The following SNCAIP variants were observed in gnomAD, a reference collection of about 807,000 sequenced individuals.
SNCAIP encodes the protein synphilin-1.
In SNCAIP, 43 loss-of-function variants were observed where a neutral mutation model predicts 86.7. The observed-to-expected ratio is 0.50, with a 90% CI of 0.39 to 0.64. The LOEUF is 0.64. SNCAIP is among the 30% of genes least tolerant of loss of function. SNCAIP has a pLI of 0.00. For missense variants in SNCAIP, 981 were observed against 1,103.1 expected (o/e 0.89, Z 1.57); for synonymous variants, 417 against 427.2 (o/e 0.98, Z 0.29).
At position 122,431,823 on chromosome 5, in the gene SNCAIP, A is replaced by G. The variant is rs202156938; in HGVS notation, c.1183-146A>G. On this transcript the variant is annotated intron_variant, in intron 5 of 10. Transcript: ENST00000261368. ...CCACAGATCAGGAATATAATAGGTG[A>G]TATCTTTATATCATAAATAAATTAA... The G allele has an allele frequency of 2.1e-5, 14 of 669,540 alleles. No homozygotes were observed. In the East Asian group the frequency reaches 3.5e-4, roughly 17 times the overall value. The allele number at this position is 669,540 out of a possible 1,614,324, so 41.5% of individuals were successfully genotyped here. A position where few individuals can be genotyped will look rare whatever the true frequency, so the allele number is the denominator to read the frequency against.
intron 1 of SNCAIP, among the ~76,000 whole-genome samples, chr5:122,343,662 T>C (rs537037604): frequency 6.6e-6 from 1 of 152,368 alleles, no homozygotes; most frequent in Non-Finnish European, 1.5e-5. Context: ...GCAGGGTTTC[T>C]TGACCTCGGT....
At position 122,371,869 on chromosome 5, in the gene SNCAIP, AAAT is replaced by A. The variant is rs1490167574; in HGVS notation, c.-46-19215_-46-19213del. 12 of 152,306 alleles carry A rather than the reference AAAT, an allele frequency of 7.9e-5. 1 individual carries two copies. In the South Asian group the frequency reaches 2.3e-3, roughly 29 times the overall value. The allele number at this position is 152,306 out of a possible 1,614,324, so 9.4% of individuals were successfully genotyped here. On this transcript the variant is annotated intron_variant, in intron 1 of 10. Coordinates refer to ENST00000261368, the MANE Select transcript of SNCAIP (RefSeq NM_005460.4). ...TGGCTGGCTCAAGTTGGTGTTAAAT[AAAT>A]AATACGCAGCATTATTATTAGGTTA...
intron 3 of SNCAIP, among the ~76,000 whole-genome samples, chr5:122,414,218 C>A (rs1774780623): frequency 6.6e-6 from 1 of 151,140 alleles, no homozygotes; most frequent in Non-Finnish European, 1.5e-5. Flanking sequence ...CAAGAAAAGT[C>A]ATTAAAAATT....
intron 1 of SNCAIP, among the ~76,000 whole-genome samples, chr5:122,342,211 A>G (rs557759951): frequency 1.7e-3 from 256 of 152,128 alleles, no homozygotes; most frequent in South Asian, 3.5e-3. Context: ...TCAATGGCCT[A>G]TTCACTGTTG....
At chr5:122,397,211 G>A (rs924893570) in intron 2 of SNCAIP, among the ~76,000 whole-genome samples, 10 of 152,108 alleles carry the variant, frequency 6.6e-5, no homozygotes, top group African/African-American at 2.4e-4. Flanking sequence ...ATCCATATTT[G>A]TAACCACTGC....
chr5:122,394,982 C>T (rs1189872816), intron 2 of SNCAIP, among the ~76,000 whole-genome samples: 1 of 152,174 alleles, frequency 6.6e-6, no homozygotes, highest in Non-Finnish European at 1.5e-5. Flanking sequence ...AAATGCAGAA[C>T]TATTTGGCCA....
chr5:122,455,839 A>C (rs957068101), intron 10 of SNCAIP, among the ~76,000 whole-genome samples: 3 of 152,146 alleles, frequency 2.0e-5, no homozygotes, highest in African/African-American at 7.2e-5. Context: ...ATTAGATTCA[A>C]CTCTATTCCT....
At chr5:122,396,699 A>C (rs1770693790) in intron 2 of SNCAIP, among the ~76,000 whole-genome samples, 1 of 152,186 alleles carries the variant, frequency 6.6e-6, no homozygotes, top group Non-Finnish European at 1.5e-5. Flanking sequence ...AACTAAGCAC[A>C]TTATGAAGTC....
intron 7 of SNCAIP, chr5:122,443,938 C>G (rs1232226731): frequency 2.6e-6 from 1 of 388,536 alleles, no homozygotes; most frequent in African/African-American, 2.1e-5. Flanking sequence ...GAACCCTCTC[C>G]TCATTAAAGA....
At position 122,391,184 on chromosome 5, in the gene SNCAIP, A is replaced by T. The variant is rs2152840093; in HGVS notation, c.50A>T (p.Asp17Val). 6.2e-7 allele frequency: 1 copy of T among 1,604,354 alleles called. No homozygotes were observed. Among genetic ancestry groups the T allele is most frequent in the Non-Finnish European group, 8.5e-7 (1 of 1,171,188 alleles). ...LDLDEIDFSD[D>V]ISYSVTSLKT... is the part of the protein sequence containing the mutation. ...TTGGATGAAATTGACTTTAGTGATG[A>T]CATATCTGTAAGTACCACTGTATAC... Residue 17 changes from aspartate (D) to valine (V), a missense_variant, in exon 2 of 11, where the codon GAC (aspartate) becomes GTC (valine). Physicochemically the swap from Asp to Val is radical, Grantham distance 152 (BLOSUM62 -3). Coordinates refer to ENST00000261368, the MANE Select transcript of SNCAIP (RefSeq NM_005460.4).
chr5:122,382,329 C>T (rs539675509), intron 1 of SNCAIP, among the ~76,000 whole-genome samples: 3 of 152,186 alleles, frequency 2.0e-5, no homozygotes, highest in South Asian at 2.1e-4. Context: ...TCCAGTTGAT[C>T]GCATTGGCTC....
intron 9 of SNCAIP, among the ~76,000 whole-genome samples, chr5:122,450,285 C>A (rs1054255165): frequency 6.6e-6 from 1 of 152,046 alleles, no homozygotes; most frequent in African/African-American, 2.4e-5. Context: ...AAAATTTATG[C>A]AAAATTGATG....
intron 1 of SNCAIP, among the ~76,000 whole-genome samples, chr5:122,327,474 C>CA (rs1754339685): frequency 6.6e-6 from 1 of 152,216 alleles, no homozygotes; most frequent in Admixed American, 6.5e-5. Flanking sequence ...AATGGAGGGA[C>CA]CTGGTAGGAG....
intron 1 of SNCAIP, among the ~76,000 whole-genome samples, chr5:122,337,676 C>T (rs1168839539): frequency 6.6e-6 from 1 of 152,164 alleles, no homozygotes; most frequent in African/African-American, 2.4e-5. Context: ...GAAGCTGGGA[C>T]TGCAGGCATG....
chr5:122,448,813 G>A (rs1001359265), intron 8 of SNCAIP, among the ~76,000 whole-genome samples: 42 of 149,480 alleles, frequency 2.8e-4, no homozygotes, highest in African/African-American at 9.8e-4. Context: ...TCAGGAGATC[G>A]AGACCATCCC....
At chr5:122,330,121 T>C (rs890570598) in intron 1 of SNCAIP, among the ~76,000 whole-genome samples, 1 of 126,118 alleles carries the variant, frequency 7.9e-6, no homozygotes, top group Non-Finnish European at 1.7e-5. Context: ...TCATTTCTTT[T>C]TTTTTTTTTT....
rs184107010 is a variant in SNCAIP, at chr5:122,349,401, T to C, written c.-47+37117T>C. On this transcript the variant is annotated intron_variant, in intron 1 of 10. Transcript: ENST00000261368. ...TAATGACTACCACTGATAATACCTC[T>C]AAAGGGTATTACAACTTCCAGCAAG... is the stretch of plus-strand genomic sequence containing the variant. 6.3e-4 allele frequency among the ~76,000 whole-genome samples: 96 copies of C among 152,240 alleles called. No individual in the cohort carries two copies. In the East Asian group the frequency reaches 0.015, roughly 24 times the overall value.
intron 10 of SNCAIP, among the ~76,000 whole-genome samples, chr5:122,460,841 T>A (rs1454286265): frequency 6.6e-6 from 1 of 152,174 alleles, no homozygotes; most frequent in Non-Finnish European, 1.5e-5. Context: ...TGTCAGTTAC[T>A]CTCTGTTCAT....
intron 1 of SNCAIP, among the ~76,000 whole-genome samples, chr5:122,365,786 C>G (rs1763057302): frequency 6.6e-6 from 1 of 152,180 alleles, no homozygotes; most frequent in African/African-American, 2.4e-5. Context: ...AAACTCTGTG[C>G]TGAGCACTGT....
Sources: gnomAD v4.1 joint callset for allele counts (sites outside exome capture counted in the v4.1 genomes callset) on GRCh38, gnomAD v4.1.1 for gene constraint, MANE v1.5 for transcripts, NCBI Gene and HGNC (gene_info 2026-07-23, HGNC 2026-07-21) for gene names.